The following COPB2 variants were observed in gnomAD, a reference collection of about 807,000 sequenced individuals.
The protein encoded by COPB2 is coatomer subunit beta'.
In COPB2, 16 loss-of-function variants were observed where a neutral mutation model predicts 120.8. That is an observed-to-expected ratio of 0.13 (90% CI 0.09 to 0.20). COPB2 has a LOEUF of 0.20. Ranked by LOEUF, COPB2 falls within the 10% of genes least tolerant of loss-of-function variation. The probability of loss-of-function intolerance (pLI) is 1.00; values close to 1 mark genes in which losing one functional copy is unlikely to be tolerated. For synonymous variants in COPB2, 332 were observed against 366.3 expected (o/e 0.91, Z 1.07); for missense variants, 794 against 1,076.5 (o/e 0.74, Z 3.67).
intron 17 of COPB2, among the ~76,000 whole-genome samples, chr3:139,360,581 T>C (rs1372206260): frequency 1.3e-5 from 2 of 151,258 alleles, no homozygotes; most frequent in Non-Finnish European, 2.9e-5. Flanking sequence ...TGCCAACTAA[T>C]GTCCAAATGA....
rs1576374989 is a variant in COPB2, at chr3:139,373,654, T to C, written c.894+12A>G. ...GCCTATGTCCACCTACTGAGAGGGA[T>C]AGTATAATTACCTTAACAATGATGC... On this transcript the variant is annotated intron_variant, in intron 8 of 21. Coordinates refer to ENST00000333188, the MANE Select transcript of COPB2 (RefSeq NM_004766.3). The C allele has an allele frequency of 6.2e-7, 1 of 1,614,046 alleles. No homozygotes were observed. The highest frequency in any genetic ancestry group is 8.5e-7 in the Non-Finnish European group (1 of 1,179,982).
Position 139,378,119 on chromosome 3 carries a change from G to T in COPB2, c.426C>A (p.Thr142=). The T allele has an allele frequency of 3.1e-6, 5 of 1,592,086 alleles. No homozygotes were observed. Among genetic ancestry groups the T allele is most frequent in the Non-Finnish European group, 4.3e-6 (5 of 1,164,098 alleles). Residue 142 remains threonine, a synonymous_variant, in exon 5 of 22, where the codon ACC becomes ACA. Coordinates refer to ENST00000333188, the MANE Select transcript of COPB2 (RefSeq NM_004766.3). ...TGATCACAATCTGCATAACATAATG[G>T]GTGTGTCCTTCAAACACTTGTGAGC... ...WSCSQVFEGH[T]HYVMQIVINP...
At chr3:139,367,252 A>G (rs1402089628) in intron 13 of COPB2, 107 bp from the exon 14 acceptor site, 1 of 1,321,988 alleles carries the variant, frequency 7.6e-7, no homozygotes, top group Non-Finnish European at 1.0e-6. Flanking sequence ...AATGCAAAGT[A>G]AAATCCTTCC....
At chr3:139,361,024 C>T in intron 17 of COPB2, 57 bp downstream of exon 17, 1 of 1,571,880 alleles carries the variant, frequency 6.4e-7, no homozygotes, top group Non-Finnish European at 8.7e-7. Context: ...TCTTCACTTC[C>T]CTCTCCAAAA....
chr3:139,358,440 A>T lies in COPB2; in HGVS notation c.2554-169T>A, dbSNP rs1576367958. Reference sequence around the variant, plus strand: ...ACGCCTGTAATCCCAGCACTTTGGGAGGCCGAAGCAGGTGGATCATGAGGT... The same window carrying T: ...ACGCCTGTAATCCCAGCACTTTGGGTGGCCGAAGCAGGTGGATCATGAGGT... On this transcript the variant is annotated intron_variant, in intron 20 of 21. Coordinates refer to ENST00000333188, the MANE Select transcript of COPB2 (RefSeq NM_004766.3). 2.8e-5 allele frequency: 18 copies of T among 636,640 alleles called. No homozygotes were observed. The East Asian group carries it at 5.0e-4, about 18-fold the overall frequency. The allele number at this position is 636,640 out of a possible 1,614,324, so 39.4% of individuals were successfully genotyped here.
At chr3:139,378,903 T>C in intron 4 of COPB2, 144 bp downstream of exon 4, 1 of 717,132 alleles carries the variant, frequency 1.4e-6, no homozygotes, top group Non-Finnish European at 2.1e-6. Flanking sequence ...GCAGCATCAA[T>C]AGCACAGTAA....
intron 1 of COPB2, among the ~76,000 whole-genome samples, chr3:139,384,442 A>G (rs1941876498): frequency 6.6e-6 from 1 of 152,218 alleles, no homozygotes; most frequent in South Asian, 2.1e-4. Context: ...TGAAAGCTTT[A>G]ATTTTATCAT....
intron 15 of COPB2, 147 bp from the exon 16 acceptor site, chr3:139,362,664 A>G (rs1363287023): frequency 2.8e-6 from 1 of 354,394 alleles, no homozygotes; most frequent in Non-Finnish European, 4.8e-6. Context: ...CCACTATTTA[A>G]TAAGAAGATG....
In COPB2 at chr3:139,388,669, A is replaced by C. The variant is rs1304019542; in HGVS notation, c.3+879T>G. Among the ~76,000 whole-genome samples, 3 of 135,090 alleles carry C rather than the reference A, an allele frequency of 2.2e-5. No homozygotes were observed. In the Admixed American group the frequency reaches 2.5e-4, roughly 11 times the overall value. The allele number at this position is 135,090 out of a possible 152,430, so 88.6% of individuals were successfully genotyped here. A position where few individuals can be genotyped will look rare whatever the true frequency, so the allele number is the denominator to read the frequency against. ...TTGAGACGGAGTCTTGCTCTGTCCCAGGCTGGAGTGCAGTGGTGCGACCTC... is the reference window on the plus strand; with the variant it reads ...TTGAGACGGAGTCTTGCTCTGTCCCCGGCTGGAGTGCAGTGGTGCGACCTC... On this transcript the variant is annotated intron_variant, in intron 1 of 21. Transcript: ENST00000333188.
At chr3:139,383,048 A>G (rs1389697419) in intron 2 of COPB2, 1 of 465,654 alleles carries the variant, frequency 2.1e-6, no homozygotes. Flanking sequence ...CTCAATTTCA[A>G]AAAAGAGCTA....
chr3:139,369,311 C>A lies in COPB2; in HGVS notation c.1351G>T (p.Asp451Tyr), dbSNP rs1576372997. Residue 451 changes from aspartate (D) to tyrosine (Y), a missense_variant, in exon 12 of 22, where the codon GAC becomes TAC. Coordinates refer to ENST00000333188, the MANE Select transcript of COPB2 (RefSeq NM_004766.3). ...VRSVNGLAFY[D>Y]WDNTELIRRI... is the part of the protein sequence containing the mutation. ...CGTATGAGTTCTGTATTGTCCCAGT[C>A]ATAGAAGGCTAAGCCATTTACAGAT... The A allele has an allele frequency of 1.9e-6, 3 of 1,613,676 alleles. No individual in the cohort carries two copies. The highest frequency in any genetic ancestry group is 2.5e-6 in the Non-Finnish European group (3 of 1,179,786).
chr3:139,364,639 G>A (rs1027434210), intron 15 of COPB2, among the ~76,000 whole-genome samples: 3 of 152,176 alleles, frequency 2.0e-5, no homozygotes, highest in African/African-American at 7.2e-5. Context: ...ACAGTGCCTA[G>A]CACATTGTTA....
chr3:139,375,423 A>T, intron 6 of COPB2, 45 bp downstream of exon 6: 1 of 1,582,512 alleles, frequency 6.3e-7, no homozygotes, highest in Non-Finnish European at 8.6e-7. Flanking sequence ...AGAAATAGTA[A>T]GAAACATATC....
chr3:139,359,055 T>C lies in COPB2; in HGVS notation c.2427A>G (p.Glu809=), dbSNP rs1377388644. ...GATCAGCATGTGTTTCCTTCACCCATTCTTCAACAACAAAGGCTTCTTTTA... is the reference window on the plus strand; with the variant it reads ...GATCAGCATGTGTTTCCTTCACCCACTCTTCAACAACAAAGGCTTCTTTTA... ...PGLKEAFVVE[E]WVKETHADLW... The change falls in exon 19 of 22, where the codon GAA becomes GAG. Residue 809 remains glutamate (E), a synonymous_variant. Transcript: ENST00000333188. 1.2e-6 allele frequency: 2 copies of C among 1,614,010 alleles called. No individual in the cohort carries two copies. Among genetic ancestry groups the C allele is most frequent in the Non-Finnish European group, 1.7e-6 (2 of 1,180,028 alleles).
At chr3:139,378,580 T>C (rs1941757339) in intron 4 of COPB2, among the ~76,000 whole-genome samples, 1 of 152,270 alleles carries the variant, frequency 6.6e-6, no homozygotes, top group Admixed American at 6.5e-5. Context: ...AAAAAGTTTT[T>C]AATTACTTCT....
chr3:139,389,449 G>A, intron 1 of COPB2, 99 bp downstream of exon 1: 3 of 1,386,660 alleles, frequency 2.2e-6, no homozygotes, highest in Middle Eastern at 2.0e-4. Flanking sequence ...GCCGCAGCGG[G>A]AGCCCAGACC....
rs544073786 is a variant in COPB2, at chr3:139,372,644, C to T, written c.1094+569G>A. 4.6e-5 allele frequency among the ~76,000 whole-genome samples: 7 copies of T among 152,198 alleles called. 1 individual carries two copies. The South Asian group carries it at 1.4e-3, about 32-fold the overall frequency. On this transcript the variant is annotated intron_variant, in intron 9 of 21. Transcript: ENST00000333188. ...GCACAGCATTATAAGATGCCCAGAC[C>T]TGCTGTAAAATAATTTTAAAGCTCC... is the stretch of plus-strand genomic sequence containing the variant.
At chr3:139,372,928 A>T (rs1009933633) in intron 9 of COPB2, among the ~76,000 whole-genome samples, 3 of 152,244 alleles carry the variant, frequency 2.0e-5, no homozygotes, top group Non-Finnish European at 2.9e-5. Context: ...AAAGGAGCAC[A>T]CAAAAACACA....
intron 15 of COPB2, 59 bp downstream of exon 15, chr3:139,366,509 T>G: frequency 1.4e-6 from 2 of 1,466,498 alleles, no homozygotes; most frequent in Non-Finnish European, 1.9e-6. Context: ...AACTCCATAA[T>G]AATTTGCTTT....
Sources: gnomAD v4.1 joint callset for allele counts (sites outside exome capture counted in the v4.1 genomes callset) on GRCh38, gnomAD v4.1.1 for gene constraint, MANE v1.5 for transcripts, NCBI Gene and HGNC (gene_info 2026-07-23, HGNC 2026-07-21) for gene names.